TASP1: variants seen among roughly 807,000 people sequenced by gnomAD.
TASP1 encodes taspase 1.
TASP1 carries 16 observed loss-of-function variants against 56.6 expected under a neutral mutation model. The ratio of observed to expected loss-of-function variants is 0.28; its 90% CI spans 0.19 to 0.43. The LOEUF (loss-of-function observed/expected upper bound fraction) is 0.43, where lower values mean the gene tolerates loss of function less well. Among genes scored for constraint, TASP1 ranks in the 20% least tolerant of loss-of-function variants. TASP1 has a pLI of 1.00. For synonymous variants in TASP1, 179 were observed against 184.2 expected (o/e 0.97, Z 0.23); for missense variants, 393 against 511.6 (o/e 0.77, Z 2.24).
At chr20:13,317,664 C>A in the TASP1 span, among the ~76,000 whole-genome samples, 6,771 of 152,090 alleles carry the variant, frequency 0.045, 469 homozygotes, top group African/African-American at 0.15. Context: ...TGACCTTTGA[C>A]AAGGGATGAA....
At chr20:13,524,621 T>A (rs1036081323) in intron 10 of TASP1, among the ~76,000 whole-genome samples, 1 of 152,206 alleles carries the variant, frequency 6.6e-6, no homozygotes, top group African/African-American at 2.4e-5. Context: ...AACAAATTAT[T>A]TATTTTCTAG....
At chr20:13,408,270 T>A (rs941945043) in intron 13 of TASP1, among the ~76,000 whole-genome samples, 2 of 152,188 alleles carry the variant, frequency 1.3e-5, no homozygotes, top group African/African-American at 4.8e-5. Context: ...TTATTTTACA[T>A]GTGGATATCC....
chr20:13,181,472 ACATCT>A, the TASP1 span, among the ~76,000 whole-genome samples: 2 of 152,064 alleles, frequency 1.3e-5, no homozygotes, highest in Non-Finnish European at 2.9e-5. Context: ...TCACCCACAA[ACATCT>A]AATCTTGAGG....
chr20:13,381,714 G>A, the TASP1 span, among the ~76,000 whole-genome samples: 1 of 152,176 alleles, frequency 6.6e-6, no homozygotes, highest in Non-Finnish European at 1.5e-5. Flanking sequence ...TTTCTTTGGA[G>A]AGGGCATCAG....
At chr20:13,549,794 T>C (rs2045919851) in intron 8 of TASP1, among the ~76,000 whole-genome samples, 2 of 152,098 alleles carry the variant, frequency 1.3e-5, no homozygotes, top group Admixed American at 1.3e-4. Context: ...GTTCCTTTTT[T>C]CCCTCTCCAT....
At chr20:13,157,254 C>G in the TASP1 span, among the ~76,000 whole-genome samples, 1 of 136,296 alleles carries the variant, frequency 7.3e-6, no homozygotes, top group Non-Finnish European at 1.5e-5. Flanking sequence ...CCTGGCCAAC[C>G]CTGTTTCTAC....
At chr20:13,480,881 A>G (rs949385984) in intron 11 of TASP1, among the ~76,000 whole-genome samples, 3 of 152,162 alleles carry the variant, frequency 2.0e-5, no homozygotes, top group Non-Finnish European at 2.9e-5. Context: ...TGATACAGGA[A>G]TGCAATGTGA....
At chr20:13,494,733 T>A (rs1168924954) in intron 10 of TASP1, among the ~76,000 whole-genome samples, 1 of 151,350 alleles carries the variant, frequency 6.6e-6, no homozygotes, top group Non-Finnish European at 1.5e-5. Flanking sequence ...ACAAAGAAAA[T>A]CCAAAGCCCC....
chr20:13,558,730 T>C (rs1330662456), intron 8 of TASP1, among the ~76,000 whole-genome samples: 1 of 152,142 alleles, frequency 6.6e-6, no homozygotes, highest in Non-Finnish European at 1.5e-5. Context: ...AGCTCATTAA[T>C]AATTTTTCCC....
the TASP1 span, among the ~76,000 whole-genome samples, chr20:13,219,581 C>T: frequency 6.6e-6 from 1 of 151,998 alleles, no homozygotes; most frequent in Non-Finnish European, 1.5e-5. Flanking sequence ...CCCCTCCTCC[C>T]TCGCACCGTT....
chr20:13,164,907 A>C, the TASP1 span: 1 of 1,519,998 alleles, frequency 6.6e-7, no homozygotes, highest in East Asian at 2.3e-5. Context: ...CTTTGCGAGA[A>C]AGACCTCCCT....
chr20:13,441,977 G>C (rs188120476), intron 11 of TASP1, among the ~76,000 whole-genome samples: 34 of 152,276 alleles, frequency 2.2e-4, no homozygotes, highest in African/African-American at 7.7e-4. Context: ...ACTGCCTGTA[G>C]AATGATGCCC....
At chr20:13,204,254 A>ATC in the TASP1 span, among the ~76,000 whole-genome samples, 7 of 152,176 alleles carry the variant, frequency 4.6e-5, no homozygotes, top group African/African-American at 1.7e-4. Flanking sequence ...ATGGGAAGCC[A>ATC]ATGACAGAGA....
chr20:13,433,012 C>T (rs2042865870), intron 12 of TASP1, among the ~76,000 whole-genome samples: 1 of 152,078 alleles, frequency 6.6e-6, no homozygotes, highest in East Asian at 1.9e-4. Context: ...TTCTGGGATA[C>T]ATGTGCAGAA....
intron 10 of TASP1, among the ~76,000 whole-genome samples, chr20:13,497,219 AC>A (rs1371598809): frequency 2.4e-4 from 37 of 152,318 alleles, no homozygotes; most frequent in African/African-American, 7.9e-4. Flanking sequence ...AAGTCTGGGG[AC>A]ACAACAAGAG....
chr20:13,183,821 A>C, the TASP1 span, among the ~76,000 whole-genome samples: 7 of 152,192 alleles, frequency 4.6e-5, 1 homozygote, highest in South Asian at 1.4e-3. Context: ...CGAGGTCAGG[A>C]GATTGAGACC....
At chr20:13,526,991 A>G (rs1568547123) in intron 10 of TASP1, among the ~76,000 whole-genome samples, 1 of 152,172 alleles carries the variant, frequency 6.6e-6, no homozygotes, top group Admixed American at 6.6e-5. Flanking sequence ...TCAAAAGTCC[A>G]AAGTAGATAC....
At chr20:13,156,522 G>T in the TASP1 span, among the ~76,000 whole-genome samples, 1 of 152,140 alleles carries the variant, frequency 6.6e-6, no homozygotes, top group Non-Finnish European at 1.5e-5. Context: ...GCTTTCTGAA[G>T]CTCCAGTTTT....
intron 10 of TASP1, among the ~76,000 whole-genome samples, chr20:13,503,206 C>T (rs2044008790): frequency 6.6e-6 from 1 of 152,048 alleles, no homozygotes; most frequent in Non-Finnish European, 1.5e-5. Flanking sequence ...GGATGCCTTG[C>T]CTGTGTAACA....
Sources: gnomAD v4.1 joint callset for allele counts (sites outside exome capture counted in the v4.1 genomes callset) on GRCh38, gnomAD v4.1.1 for gene constraint, MANE v1.5 for transcripts, NCBI Gene and HGNC (gene_info 2026-07-23, HGNC 2026-07-21) for gene names.